Variants in EP400 observed in about 807,000 individuals in gnomAD.
EP400 encodes the protein E1A binding protein p400.
Under a neutral mutation model 354.1 loss-of-function variants are expected in EP400, and 105 were observed. The observed-to-expected ratio is 0.30, with a 90% CI of 0.25 to 0.35. EP400 has a LOEUF of 0.35. EP400 is among the 10% of genes least tolerant of loss of function. The pLI is 1.00. For missense variants in EP400, 3,280 were observed against 4,121.0 expected (o/e 0.80, Z 5.59); for synonymous variants, 1,646 against 1,716.9 (o/e 0.96, Z 1.02).
Position 131,982,320 on chromosome 12 carries a change from C to G in EP400, c.1771C>G (p.Gln591Glu). The change falls in exon 5 of 53, where the codon CAA becomes GAA. Residue 591 changes from glutamine to glutamate, a missense_variant. Gln to Glu is a conservative substitution (Grantham distance 29). Around this residue, in one of 20 missense-constraint regions of EP400, gnomAD observed 800 missense variants for 840.0 expected, o/e 0.95. Transcript: ENST00000389561. ...PQVVEAQTQL[Q>E]IPVKTQQPNV... ...AGTGGTAGAGGCCCAGACACAGCTC[C>G]AAATCCCGGTGAAGACTCAGCAGCC... The G allele has an allele frequency of 6.2e-7, 1 of 1,614,186 alleles. No homozygotes were observed.
At chr12:131,984,203 G>T (rs1892777182) in intron 5 of EP400, among the ~76,000 whole-genome samples, 1 of 152,210 alleles carries the variant, frequency 6.6e-6, no homozygotes, top group Non-Finnish European at 1.5e-5. Context: ...CGGCCTACAG[G>T]TTCTTTATGT....
chr12:131,951,516 G>C (rs1891494267), intron 1 of EP400, among the ~76,000 whole-genome samples: 2 of 152,270 alleles, frequency 1.3e-5, no homozygotes, highest in South Asian at 4.1e-4. Flanking sequence ...CTCTGGGTTC[G>C]TGGATGAGTT....
chr12:132,015,863 G>A lies in EP400; in HGVS notation c.3924-1672G>A, dbSNP rs532537627. Among the ~76,000 whole-genome samples the A allele has an allele frequency of 1.2e-4, 18 of 152,200 alleles. No homozygotes were observed. The South Asian group carries it at 3.5e-3, about 30-fold the overall frequency. On this transcript the variant is annotated intron_variant, in intron 19 of 52. Coordinates refer to ENST00000389561, the MANE Select transcript of EP400 (RefSeq NM_015409.5). The stretch of plus-strand genomic sequence containing the variant: ...CGGGATCCTTGGGTGGCCCAGGAGC[G>A]TCCTGTCCTGGTCAGCTCCCCCCTC...
chr12:131,964,764 G>A (rs1473500761), intron 2 of EP400, among the ~76,000 whole-genome samples: 1 of 152,162 alleles, frequency 6.6e-6, no homozygotes, highest in African/African-American at 2.4e-5. Context: ...ACTTCAGCAT[G>A]TATTAGATAA....
Position 132,050,338 on chromosome 12 carries a change from C to T in EP400, c.7216C>T (p.Pro2406Ser), listed in dbSNP as rs763648929. The T allele has an allele frequency of 6.2e-7, 1 of 1,614,128 alleles. No homozygotes were observed. ...REEGKSKNNR[P>S]LRTSQIYAQD... is the part of the protein sequence containing the mutation. ...TTCATTGCAGAGTAAAAACAACCGT[C>T]CTCTCCGTACGAGCCAGATCTATGC... Residue 2406 changes from proline to serine, a missense_variant, in exon 40 of 53, where the codon CCT (proline) becomes TCT (serine). Pro to Ser is a moderately conservative substitution (Grantham distance 74). Coordinates refer to ENST00000389561, the MANE Select transcript of EP400 (RefSeq NM_015409.5). The surrounding 1 kb of genome is among the most constrained non-coding windows in gnomAD (Gnocchi z 4.8).
Position 132,027,944 on chromosome 12 carries a change from T to G in EP400, c.5110-73T>G, listed in dbSNP as rs1593357295. 1 of 1,509,638 alleles carries G rather than the reference T, an allele frequency of 6.6e-7. No homozygotes were observed. Among genetic ancestry groups the G allele is most frequent in the Non-Finnish European group, 9.0e-7 (1 of 1,105,962 alleles). 93.5% of individuals were successfully genotyped at this position (1,509,638 alleles called of 1,614,324 possible). ...CATATGTGGGAAATCACGGGCTGGG[T>G]GGGGGGTTGGTGAAGACAGGAACTT... On this transcript the variant is annotated intron_variant, in intron 26 of 52. Transcript: ENST00000389561. The surrounding 1 kb of genome is among the most constrained non-coding windows in gnomAD (Gnocchi z 4.9).
At position 132,062,652 on chromosome 12, in the gene EP400, G is replaced by A; in HGVS notation, c.8285G>A (p.Gly2762Asp). The change falls in exon 47 of 53, where the codon GGC (glycine) becomes GAC (aspartate). Residue 2762 changes from glycine to aspartate, a missense_variant. Coordinates refer to ENST00000389561, the MANE Select transcript of EP400 (RefSeq NM_015409.5). ...CAGGTGCAAGTTCCACAGATCCAGG[G>A]CCAGGCCCAGTCCCCAGCACAGATC... ...TSQVQVPQIQ[G>D]QAQSPAQIKA... 2 of 1,613,954 alleles carry A rather than the reference G, an allele frequency of 1.2e-6. No homozygotes were observed. Among genetic ancestry groups the A allele is most frequent in the Non-Finnish European group, 1.7e-6 (2 of 1,179,990 alleles).
intron 32 of EP400, among the ~76,000 whole-genome samples, chr12:132,040,350 C>G (rs904991505): frequency 6.6e-6 from 1 of 152,034 alleles, no homozygotes; most frequent in Non-Finnish European, 1.5e-5. Context: ...CCTGATCCAG[C>G]AATCCCACTG....
intron 2 of EP400, among the ~76,000 whole-genome samples, chr12:131,970,110 G>A (rs149528405): frequency 2.3e-4 from 35 of 152,250 alleles, no homozygotes; most frequent in African/African-American, 5.5e-4. Flanking sequence ...CAGAAAATTT[G>A]TTAGTGGGAC....
rs1270519681 is a variant in EP400, at chr12:132,050,242, C to T, written c.7201-81C>T. The T allele has an allele frequency of 3.3e-6, 5 of 1,535,398 alleles. No homozygotes were observed. Among genetic ancestry groups the T allele is most frequent in the Non-Finnish European group, 4.4e-6 (5 of 1,131,304 alleles). ...CCATGGGGAGTTTAGCCTCAGATTC[C>T]CACCCAGTGAGCCCTGTGTCCCACG... On this transcript the variant is annotated intron_variant, in intron 39 of 52. Transcript: ENST00000389561. This position sits in a 1 kb window ranked among gnomAD's most constrained non-coding sequence, Gnocchi z 4.8.
At chr12:131,950,761 A>G (rs371034337) in intron 1 of EP400, among the ~76,000 whole-genome samples, 1 of 152,100 alleles carries the variant, frequency 6.6e-6, no homozygotes, top group Admixed American at 6.5e-5. Flanking sequence ...CTTTATTAGT[A>G]ATTACTTTCT....
At chr12:131,966,364 G>T (rs1033704530) in intron 2 of EP400, among the ~76,000 whole-genome samples, 1 of 152,138 alleles carries the variant, frequency 6.6e-6, no homozygotes, top group Admixed American at 6.5e-5. Flanking sequence ...CCTGAGGTCA[G>T]TAGAGACCAG....
At position 132,044,723 on chromosome 12, in the gene EP400, C is replaced by T. The variant is rs532262171; in HGVS notation, c.6630+8C>T. 118 of 1,614,218 alleles carry T rather than the reference C, an allele frequency of 7.3e-5. No individual in the cohort carries two copies. In the South Asian group the frequency reaches 1.2e-3, roughly 17 times the overall value. On this transcript the variant is annotated splice_region_variant and intron_variant, in intron 36 of 52. Coordinates refer to ENST00000389561, the MANE Select transcript of EP400 (RefSeq NM_015409.5). ...CAGACAGAAGTCATGCCGGTGAGTG[C>T]TGCCCTCTCCCTTTGTGTCTGTGTG...
At position 132,061,908 on chromosome 12, in the gene EP400, TCTG is replaced by T. The variant is rs367831033; in HGVS notation, c.7885-198_7885-196del. On this transcript the variant is annotated intron_variant, in intron 45 of 52. Coordinates refer to ENST00000389561, the MANE Select transcript of EP400 (RefSeq NM_015409.5). ...AAGCGTGTTTCTGTGGGTGATGTGA[TCTG>T]CTGGGAGAAACCATTGCTCAGGGCA... is the stretch of plus-strand genomic sequence containing the variant. 2.1e-3 allele frequency among the ~76,000 whole-genome samples: 323 copies of T among 152,368 alleles called. 3 individuals are homozygous for T. Among genetic ancestry groups the T allele is most frequent in the African/African-American group, 7.4e-3 (307 of 41,596 alleles).
chr12:131,985,396 G>A (rs888094541), intron 5 of EP400, among the ~76,000 whole-genome samples: 2 of 152,226 alleles, frequency 1.3e-5, no homozygotes, highest in Admixed American at 6.5e-5. Context: ...GGGAGACGGC[G>A]CTGCCGAGGT....
chr12:132,048,961 C>G (rs1174474166), intron 39 of EP400, among the ~76,000 whole-genome samples: 2 of 152,172 alleles, frequency 1.3e-5, no homozygotes, highest in African/African-American at 4.8e-5. Flanking sequence ...AACCTGAGAC[C>G]TAGAATTTTC....
At chr12:132,002,202 A>G (rs138156302) in intron 12 of EP400, among the ~76,000 whole-genome samples, 140 of 152,280 alleles carry the variant, frequency 9.2e-4, no homozygotes, top group Non-Finnish European at 1.6e-3. Context: ...TCTAAATTGG[A>G]GTGTTTAGTA....
rs28885713 is a variant in EP400 at position 131,975,856 on chromosome 12, T to C, written c.1336-3838T>C. Reference sequence around the variant, plus strand: ...ATACAGCATAAGCCACTGCGCCTGGTCAATTTAAAATTTTTTGTTTGTTTT... The same window carrying C: ...ATACAGCATAAGCCACTGCGCCTGGCCAATTTAAAATTTTTTGTTTGTTTT... On this transcript the variant is annotated intron_variant, in intron 2 of 52. Transcript: ENST00000389561. Among the ~76,000 whole-genome samples the C allele has an allele frequency of 2.0e-4, 31 of 152,222 alleles. No individual in the cohort carries two copies. The East Asian group carries it at 5.2e-3, about 26-fold the overall frequency.
Position 131,961,963 on chromosome 12 carries a change from CAG to C in EP400, c.1335+10_1335+11del, listed in dbSNP as rs767013677. ...AGGTTATCAATGACGAGGTAAGAAA[CAG>C]GAGTTAATTTGTTTAGTACAAATCT... On this transcript the variant is annotated intron_variant, in intron 2 of 52. Coordinates refer to ENST00000389561, the MANE Select transcript of EP400 (RefSeq NM_015409.5). The C allele has an allele frequency of 2.5e-6, 4 of 1,604,676 alleles. No individual in the cohort carries two copies. The highest frequency in any genetic ancestry group is 3.4e-6 in the Non-Finnish European group (4 of 1,176,350).
Sources: gnomAD v4.1 joint callset for allele counts (sites outside exome capture counted in the v4.1 genomes callset) on GRCh38, gnomAD v4.1.1 for gene constraint, gnomAD v4.1.1 regional missense constraint, Gnocchi (gnomAD v3.1) non-coding constraint, MANE v1.5 for transcripts, NCBI Gene and HGNC (gene_info 2026-07-23, HGNC 2026-07-21) for gene names.